Variants in CGGBP1 observed in about 807,000 individuals in gnomAD.
CGGBP1 encodes CGG triplet repeat binding protein 1.
In CGGBP1, 4 loss-of-function variants were observed where a neutral mutation model predicts 11.4. The ratio of observed to expected loss-of-function variants is 0.35; its 90% CI spans 0.17 to 0.80. The LOEUF is 0.80. Among genes scored for constraint, CGGBP1 ranks in the 30% least tolerant of loss-of-function variants. CGGBP1 has a pLI of 0.52. For synonymous variants in CGGBP1, 76 were observed against 74.1 expected (o/e 1.03, Z -0.13); for missense variants, 135 against 202.1 (o/e 0.67, Z 2.01).
chr3:88,062,106 C>T (rs1706919496), upstream of CGGBP1, among the ~76,000 whole-genome samples: 1 of 152,152 alleles, frequency 6.6e-6, no homozygotes, highest in Non-Finnish European at 1.5e-5. Flanking sequence ...CCTATCACAT[C>T]CTCCCTTGGC....
chr3:88,056,146 T>TA, intron 3 of CGGBP1, 147 bp from the exon 4 acceptor site: 1 of 588,140 alleles, frequency 1.7e-6, no homozygotes, highest in Non-Finnish European at 2.8e-6. Flanking sequence ...AATCTTAACT[T>TA]ACCTGAAATA....
intron 2 of CGGBP1, among the ~76,000 whole-genome samples, chr3:88,102,605 T>C (rs1395287859): frequency 6.6e-6 from 1 of 152,172 alleles, no homozygotes. Flanking sequence ...CCTAAAATAG[T>C]ATCTGGCAAT....
chr3:88,129,308 A>G (rs972791288), intron 2 of CGGBP1, among the ~76,000 whole-genome samples: 1 of 138,434 alleles, frequency 7.2e-6, no homozygotes, highest in Non-Finnish European at 1.6e-5. Context: ...ACAAGCTCAC[A>G]GCTTGCCAGG....
intron 2 of CGGBP1, chr3:88,139,141 A>G: frequency 1.5e-6 from 2 of 1,309,040 alleles, no homozygotes; most frequent in South Asian, 5.8e-5. Flanking sequence ...AGGACGGAGG[A>G]ACAGCAAGGT....
intron 2 of CGGBP1, among the ~76,000 whole-genome samples, chr3:88,065,273 C>CTT (rs144267408): frequency 1.3e-5 from 2 of 149,074 alleles, no homozygotes; most frequent in South Asian, 2.1e-4. Context: ...GAGCTAAATC[C>CTT]TTTTTTTTTT....
intron 2 of CGGBP1, among the ~76,000 whole-genome samples, chr3:88,101,435 G>A (rs537621981): frequency 6.8e-4 from 104 of 152,176 alleles, no homozygotes; most frequent in Non-Finnish European, 1.1e-3. Flanking sequence ...ATAGTCTTGC[G>A]AAATAGTCAT....
At chr3:88,094,967 G>A (rs1301060655) in intron 2 of CGGBP1, among the ~76,000 whole-genome samples, 2 of 152,052 alleles carry the variant, frequency 1.3e-5, no homozygotes, top group African/African-American at 4.8e-5. Flanking sequence ...AAACTTATGA[G>A]AAATTATCCC....
chr3:88,103,043 G>A (rs1277198873), intron 2 of CGGBP1, among the ~76,000 whole-genome samples: 1 of 151,920 alleles, frequency 6.6e-6, no homozygotes, highest in Non-Finnish European at 1.5e-5. Flanking sequence ...AGTATGAAAT[G>A]TTTAGCTCCC....
chr3:88,094,943 G>C (rs1170227836), intron 2 of CGGBP1, among the ~76,000 whole-genome samples: 10 of 152,054 alleles, frequency 6.6e-5, no homozygotes, highest in Non-Finnish European at 8.8e-5. Flanking sequence ...TTTGCTCACT[G>C]CTTCTTACAA....
At chr3:88,119,860 T>G (rs893629010) in intron 2 of CGGBP1, among the ~76,000 whole-genome samples, 2 of 152,192 alleles carry the variant, frequency 1.3e-5, no homozygotes, top group African/African-American at 4.8e-5. Flanking sequence ...ACCAACTAAT[T>G]TTGAAATATG....
At chr3:88,061,010 T>TAAA (rs1218698510), upstream of CGGBP1, among the ~76,000 whole-genome samples, 2 of 152,146 alleles carry the variant, frequency 1.3e-5, no homozygotes, top group African/African-American at 4.8e-5. Flanking sequence ...GAAAATGTAT[T>TAAA]TTTATTTTGA....
intron 2 of CGGBP1, chr3:88,129,612 T>TTCAA: frequency 8.7e-7 from 1 of 1,143,256 alleles, no homozygotes; most frequent in African/African-American, 1.5e-5. Context: ...TTCTCTTGAA[T>TTCAA]GTTTAAACAT....
chr3:88,139,239 A>G, intron 2 of CGGBP1: 1 of 1,512,990 alleles, frequency 6.6e-7, no homozygotes. Flanking sequence ...TAAAGGTCAT[A>G]TTAATACGAA....
At chr3:88,080,950 T>C (rs1211167098) in intron 2 of CGGBP1, among the ~76,000 whole-genome samples, 1 of 152,206 alleles carries the variant, frequency 6.6e-6, no homozygotes, top group African/African-American at 2.4e-5. Context: ...TCCATTGATG[T>C]TCTTTTCCCA....
At chr3:88,108,068 C>T (rs1335229396) in intron 2 of CGGBP1, among the ~76,000 whole-genome samples, 2 of 151,870 alleles carry the variant, frequency 1.3e-5, no homozygotes, top group Admixed American at 1.3e-4. Context: ...AAAGAATTTG[C>T]ATTTGTTTTT....
chr3:88,110,334 G>A (rs1705012612), intron 2 of CGGBP1, among the ~76,000 whole-genome samples: 1 of 152,052 alleles, frequency 6.6e-6, no homozygotes, highest in Non-Finnish European at 1.5e-5. Context: ...CCTATAATAG[G>A]TCTGTGTTGT....
chr3:88,053,783 A>G lies in CGGBP1; in HGVS notation c.*1690T>C, dbSNP rs1217483072. 2 of 152,616 alleles carry G rather than the reference A, an allele frequency of 1.3e-5. No individual in the cohort carries two copies. Among genetic ancestry groups the G allele is most frequent in the African/African-American group, 4.8e-5 (2 of 41,468 alleles). 9.5% of individuals were successfully genotyped at this position (152,616 alleles called of 1,614,324 possible). ...TCTAGAGGAAGTAAACGCAAAACAC[A>G]TATGGTTATGTTTTGCTGCTGGTCT... On this transcript the variant is annotated 3_prime_UTR_variant, in exon 4 of 4. Transcript: ENST00000482016.
chr3:88,113,328 C>G, intron 2 of CGGBP1: 2 of 492,292 alleles, frequency 4.1e-6, no homozygotes, highest in Non-Finnish European at 3.5e-6. Flanking sequence ...TGTTTAAGAT[C>G]CTATTATTAC....
Position 88,140,487 on chromosome 3 carries a change from C to G in CGGBP1, c.-229+483G>C, listed in dbSNP as rs748915617. 2.5e-6 allele frequency: 4 copies of G among 1,613,518 alleles called. No individual in the cohort carries two copies. The African/African-American group carries it at 4.0e-5, about 16-fold the overall frequency. The stretch of plus-strand genomic sequence containing the variant: ...GGAAAAGAAAACAGACAGTTTAGTT[C>G]AGAATGGAAACGAACGTTCTGATGA... On this transcript the variant is annotated intron_variant, in intron 2 of 3. Transcript: ENST00000462901.
Sources: gnomAD v4.1 joint callset for allele counts (sites outside exome capture counted in the v4.1 genomes callset) on GRCh38, gnomAD v4.1.1 for gene constraint, MANE v1.5 for transcripts, NCBI Gene and HGNC (gene_info 2026-07-23, HGNC 2026-07-21) for gene names.